The following THSD7B variants were observed in gnomAD, a reference collection of about 807,000 sequenced individuals.
THSD7B encodes thrombospondin type-1 domain-containing protein 7B.
In THSD7B, 138 loss-of-function variants were observed where a neutral mutation model predicts 213.6. The ratio of observed to expected loss-of-function variants is 0.65; its 90% CI spans 0.56 to 0.74. The LOEUF is 0.74. Ranked by LOEUF, THSD7B falls within the 30% of genes least tolerant of loss-of-function variation. The pLI is 0.00. For synonymous variants in THSD7B, 742 were observed against 687.0 expected, an observed-to-expected ratio of 1.08 and a Z score of -1.25; for missense variants, 1,931 against 1,991.5, an observed-to-expected ratio of 0.97 and a Z score of 0.58.
intron 2 of THSD7B, among the ~76,000 whole-genome samples, chr2:136,935,244 G>A (rs908372084): frequency 6.6e-5 from 10 of 151,822 alleles, no homozygotes; most frequent in African/African-American, 2.4e-4. Context: ...TTTGTTATTG[G>A]CTTTTGAGTG....
At chr2:137,667,234 T>A (rs1443157897) in intron 26 of THSD7B, among the ~76,000 whole-genome samples, 1 of 152,188 alleles carries the variant, frequency 6.6e-6, no homozygotes, top group Non-Finnish European at 1.5e-5. Context: ...TATGAAAAAA[T>A]TTGATTGACT....
chr2:137,376,462 T>C lies in THSD7B; in HGVS notation c.2501-29151T>C, dbSNP rs187998070. Among the ~76,000 whole-genome samples the C allele has an allele frequency of 3.6e-3, 546 of 152,264 alleles. 3 individuals are homozygous for C. The highest frequency in any genetic ancestry group is 0.012 in the African/African-American group (512 of 41,548). On this transcript the variant is annotated intron_variant, in intron 12 of 27. Transcript: ENST00000409968. ...TCAAATCCAGAGCAACTGTTAAAAATTACACAGCCCATTTTTTTCTTCTGA... is the reference window on the plus strand; with the variant it reads ...TCAAATCCAGAGCAACTGTTAAAAACTACACAGCCCATTTTTTTCTTCTGA...
At chr2:137,034,386 G>A (rs952770959) in intron 2 of THSD7B, among the ~76,000 whole-genome samples, 2 of 152,046 alleles carry the variant, frequency 1.3e-5, no homozygotes, top group Non-Finnish European at 2.9e-5. Context: ...TTACAAGCGT[G>A]AGCCACCACA....
chr2:137,527,823 C>T (rs1343014221), intron 15 of THSD7B, among the ~76,000 whole-genome samples: 1 of 152,078 alleles, frequency 6.6e-6, no homozygotes, highest in Non-Finnish European at 1.5e-5. Context: ...TAGGACAGCA[C>T]TCTGGAGCAA....
chr2:137,629,996 ATT>A (rs5834566), intron 20 of THSD7B, among the ~76,000 whole-genome samples: 4 of 147,778 alleles, frequency 2.7e-5, no homozygotes, highest in Non-Finnish European at 3.0e-5. Context: ...CCCAACTTCA[ATT>A]TTTTTTTTTT....
intron 15 of THSD7B, among the ~76,000 whole-genome samples, chr2:137,482,674 A>G (rs1688333572): frequency 6.6e-6 from 1 of 151,570 alleles, no homozygotes; most frequent in African/African-American, 2.4e-5. Flanking sequence ...ATAGCCACCT[A>G]AAGAAAACTG....
chr2:137,014,607 G>A lies in THSD7B; in HGVS notation c.140-41813G>A, dbSNP rs551819877. On this transcript the variant is annotated intron_variant, in intron 2 of 27. Coordinates refer to ENST00000409968, the MANE Select transcript of THSD7B (RefSeq NM_001316349.2). ...TTGGTCTATTAAAGTTCAAATACAT[G>A]TCTTAGTCAGGAGCCCCAATTCAGG... is the stretch of plus-strand genomic sequence containing the variant. Among the ~76,000 whole-genome samples, 3 of 152,290 alleles carry A rather than the reference G, an allele frequency of 2.0e-5. No individual in the cohort carries two copies. The South Asian group carries it at 6.2e-4, about 32-fold the overall frequency.
chr2:136,871,509 T>C (rs1422119368), intron 1 of THSD7B, among the ~76,000 whole-genome samples: 1 of 151,358 alleles, frequency 6.6e-6, no homozygotes, highest in Non-Finnish European at 1.5e-5. Flanking sequence ...AAGAAAGTGA[T>C]GAAGAAAGAG....
intron 2 of THSD7B, among the ~76,000 whole-genome samples, chr2:136,976,092 G>A (rs1685476175): frequency 6.6e-6 from 1 of 152,154 alleles, no homozygotes; most frequent in Non-Finnish European, 1.5e-5. Context: ...AGACGATGGG[G>A]TTTTCTAGAT....
intron 5 of THSD7B, among the ~76,000 whole-genome samples, chr2:137,152,349 T>C (rs963881398): frequency 1.3e-5 from 2 of 152,194 alleles, no homozygotes; most frequent in African/African-American, 4.8e-5. Flanking sequence ...AGTCACTTAT[T>C]TTTTCCTAGT....
chr2:137,364,243 C>G (rs541490838), intron 12 of THSD7B, among the ~76,000 whole-genome samples: 1 of 152,158 alleles, frequency 6.6e-6, no homozygotes, highest in Non-Finnish European at 1.5e-5. Context: ...TGGGACATAT[C>G]TCAAAATAAT....
Position 137,332,739 on chromosome 2 carries a change from A to G in THSD7B, c.2500+56713A>G, listed in dbSNP as rs567237113. 3.3e-5 allele frequency among the ~76,000 whole-genome samples: 5 copies of G among 152,256 alleles called. No homozygotes were observed. The South Asian group carries it at 1.0e-3, about 32-fold the overall frequency. ...GAATCATGGGGGCAGTTTCCCTCATACTATTCTTGTGATCTCACAAGATCT... is the reference window on the plus strand; with the variant it reads ...GAATCATGGGGGCAGTTTCCCTCATGCTATTCTTGTGATCTCACAAGATCT... On this transcript the variant is annotated intron_variant, in intron 12 of 27. Transcript: ENST00000409968.
chr2:137,612,779 TG>T (rs1200497467), intron 17 of THSD7B, among the ~76,000 whole-genome samples: 1 of 152,150 alleles, frequency 6.6e-6, no homozygotes, highest in Non-Finnish European at 1.5e-5. Flanking sequence ...AATCTCATAA[TG>T]AAAATAATCT....
intron 7 of THSD7B, among the ~76,000 whole-genome samples, chr2:137,205,810 A>G (rs951483072): frequency 6.6e-5 from 10 of 152,056 alleles, no homozygotes; most frequent in Admixed American, 6.6e-5. Flanking sequence ...ATTCTACAAC[A>G]GCTGTACATT....
At chr2:136,841,333 T>G (rs577495803) in intron 1 of THSD7B, among the ~76,000 whole-genome samples, 1 of 152,136 alleles carries the variant, frequency 6.6e-6, no homozygotes, top group African/African-American at 2.4e-5. Flanking sequence ...CAGTGGCTCA[T>G]GACGGTAATC....
At chr2:137,093,850 T>C (rs1400578055) in intron 3 of THSD7B, among the ~76,000 whole-genome samples, 2 of 152,204 alleles carry the variant, frequency 1.3e-5, no homozygotes, top group East Asian at 3.9e-4. Context: ...CATGCTGGTA[T>C]GCTGTACCCA....
In THSD7B at chr2:136,986,683, C is replaced by T. The variant is rs80163364; in HGVS notation, c.140-69737C>T. 1.5e-3 allele frequency among the ~76,000 whole-genome samples: 223 copies of T among 152,180 alleles called. 3 individuals carry two copies. In the East Asian group the frequency reaches 0.039, roughly 27 times the overall value. On this transcript the variant is annotated intron_variant, in intron 2 of 27. Coordinates refer to ENST00000409968, the MANE Select transcript of THSD7B (RefSeq NM_001316349.2). Reference sequence around the variant, plus strand: ...CATTTTTTAAGGAAATGTCAAACAGCGCTAGTGTTCCCATGATTTTTTTTT... The same window carrying T: ...CATTTTTTAAGGAAATGTCAAACAGTGCTAGTGTTCCCATGATTTTTTTTT...
chr2:137,311,794 A>G (rs1573952994), intron 12 of THSD7B, among the ~76,000 whole-genome samples: 1 of 150,202 alleles, frequency 6.7e-6, no homozygotes, highest in Non-Finnish European at 1.5e-5. Context: ...TTCTGTTTAT[A>G]TGCTGGATTA....
chr2:137,623,226 AC>A (rs1682556197), intron 20 of THSD7B, among the ~76,000 whole-genome samples: 1 of 152,176 alleles, frequency 6.6e-6, no homozygotes, highest in Admixed American at 6.5e-5. Context: ...AAAGACAAAA[AC>A]CACATGATTA....
Sources: allele counts gnomAD v4.1 joint callset (sites outside exome capture counted in the v4.1 genomes callset), GRCh38; gene constraint gnomAD v4.1.1; transcripts MANE v1.5; gene names NCBI Gene and HGNC (gene_info 2026-07-23, HGNC 2026-07-21).